ZSCAN2: variants seen among roughly 807,000 people sequenced by gnomAD.
ZSCAN2 encodes zinc finger and SCAN domain containing 2.
In ZSCAN2, 26 loss-of-function variants were observed where a neutral mutation model predicts 47.8. That is an observed-to-expected ratio of 0.54 (90% confidence interval 0.40 to 0.75). The LOEUF (loss-of-function observed/expected upper bound fraction) is 0.75. Among genes scored for constraint, ZSCAN2 ranks in the 30% least tolerant of loss-of-function variants. ZSCAN2 has a pLI of 0.00. For synonymous variants in ZSCAN2, 305 were observed against 288.7 expected, an observed-to-expected ratio of 1.06 and a Z score of -0.57; for missense variants, 732 against 785.4, an observed-to-expected ratio of 0.93 and a Z score of 0.81.
chr15:84,623,375 A>G lies in ZSCAN2; in HGVS notation c.*1335A>G, dbSNP rs777192940. 3.0e-5 allele frequency: 6 copies of G among 198,266 alleles called. No homozygotes were observed. Among genetic ancestry groups the G allele is most frequent in the Non-Finnish European group, 7.0e-5 (6 of 85,178 alleles). 12.3% of individuals were successfully genotyped at this position (198,266 alleles called of 1,614,324 possible). A position where few individuals can be genotyped will look rare whatever the true frequency, so the allele number is the denominator to read the frequency against. ...CCGAAGTGCTGGGATTACAGGCGTGAGCCAGCGCACCCGGCCAAGAACATT... is the reference window on the plus strand; with the variant it reads ...CCGAAGTGCTGGGATTACAGGCGTGGGCCAGCGCACCCGGCCAAGAACATT... On this transcript the variant is annotated 3_prime_UTR_variant, in exon 3 of 3. Transcript: ENST00000546148.
rs16974955 is a variant in ZSCAN2 at position 84,619,069 on chromosome 15, A to G, written c.407-1533A>G. ...GTTCTTCTAGCAGTCCTCCCTAATG[A>G]TTTCTTTTACTCAAATATTTGGGCA... On this transcript the variant is annotated intron_variant, in intron 2 of 2. Transcript: ENST00000546148. 1.0e-2 allele frequency among the ~76,000 whole-genome samples: 1,515 copies of G among 152,168 alleles called. 33 individuals are homozygous for G. The highest frequency in any genetic ancestry group is 0.035 in the African/African-American group (1,464 of 41,492).
At chr15:84,612,605 G>A (rs746015805) in intron 2 of ZSCAN2, among the ~76,000 whole-genome samples, 10 of 152,158 alleles carry the variant, frequency 6.6e-5, no homozygotes, top group Non-Finnish European at 1.0e-4. Flanking sequence ...CGTGGTGTCC[G>A]GCGCCTGTAG....
chr15:84,615,291 C>T (rs1407335493), intron 2 of ZSCAN2, among the ~76,000 whole-genome samples: 1 of 151,832 alleles, frequency 6.6e-6, no homozygotes, highest in Non-Finnish European at 1.5e-5. Flanking sequence ...TTTTTGAGAA[C>T]TCCAGTTATG....
intron 1 of ZSCAN2, among the ~76,000 whole-genome samples, chr15:84,601,556 T>A (rs530266727): frequency 6.6e-6 from 1 of 152,234 alleles, no homozygotes; most frequent in East Asian, 1.9e-4. Context: ...GTATTTCTTC[T>A]AGTCATTTGA....
At position 84,620,876 on chromosome 15, in the gene ZSCAN2, T is replaced by C. The variant is rs757735878; in HGVS notation, c.681T>C (p.Cys227=). 5.0e-6 allele frequency: 8 copies of C among 1,613,930 alleles called. No individual in the cohort carries two copies. Among genetic ancestry groups the C allele is most frequent in the Non-Finnish European group, 6.8e-6 (8 of 1,180,000 alleles). ...LGEKPYECPQ[C]GKTFSRKSHL... ...AGAAGCCCTACGAATGTCCCCAGTG[T>C]GGGAAGACCTTCAGCCGGAAATCCC... Residue 227 remains cysteine (C), a synonymous_variant, in exon 3 of 3, where the codon TGT becomes TGC. Transcript: ENST00000546148.
At chr15:84,610,927 TAAGAA>T (rs1294609219) in intron 2 of ZSCAN2, among the ~76,000 whole-genome samples, 1 of 152,208 alleles carries the variant, frequency 6.6e-6, no homozygotes. Flanking sequence ...TGCAAATTCA[TAAGAA>T]AAGTCAACCA....
At chr15:84,616,808 C>G (rs1483829819) in intron 2 of ZSCAN2, among the ~76,000 whole-genome samples, 3 of 152,172 alleles carry the variant, frequency 2.0e-5, no homozygotes, top group Non-Finnish European at 4.4e-5. Flanking sequence ...TGGCAGGGCT[C>G]TGTGCTCAAA....
At chr15:84,603,430 G>A (rs894729967) in intron 1 of ZSCAN2, among the ~76,000 whole-genome samples, 5 of 150,134 alleles carry the variant, frequency 3.3e-5, no homozygotes, top group Admixed American at 1.3e-4. Context: ...GTGCAGTGGC[G>A]AGATCTGTGC....
chr15:84,610,673 G>A lies in ZSCAN2; in HGVS notation c.406+6340G>A, dbSNP rs531350450. On this transcript the variant is annotated intron_variant, in intron 2 of 2. Transcript: ENST00000546148. ...GGCTAATTTTTGTATTTTTAGAAGA[G>A]ATGGGGTTTCACCATGTTGGTCAGG... Among the ~76,000 whole-genome samples, 89 of 152,114 alleles carry A rather than the reference G, an allele frequency of 5.9e-4. 1 individual carries two copies. The highest frequency in any genetic ancestry group is 3.4e-3 in the Middle Eastern group (1 of 294).
rs1273263326 is a variant in ZSCAN2, at chr15:84,601,049, C to T, written c.-195C>T. On this transcript the variant is annotated 5_prime_UTR_variant, in exon 1 of 3. Coordinates refer to ENST00000546148, the MANE Select transcript of ZSCAN2 (RefSeq NM_181877.4). ...TTCTCGGTGCCCCACGGGCTTGAGC[C>T]GGGGTGAATCTGGAGGGGCCGGGCC... 4 of 152,434 alleles carry T rather than the reference C, an allele frequency of 2.6e-5. No individual in the cohort carries two copies. Among genetic ancestry groups the T allele is most frequent in the Admixed American group, 6.5e-5 (1 of 15,282 alleles). 9.4% of individuals were successfully genotyped at this position (152,434 alleles called of 1,614,324 possible). A position where few individuals can be genotyped will look rare whatever the true frequency, so the allele number is the denominator to read the frequency against.
intron 2 of ZSCAN2, among the ~76,000 whole-genome samples, chr15:84,618,898 G>A (rs1413589254): frequency 6.6e-6 from 1 of 152,042 alleles, no homozygotes; most frequent in Non-Finnish European, 1.5e-5. Flanking sequence ...TTCTTAGAGT[G>A]TCAGCCAGGG....
intron 2 of ZSCAN2, chr15:84,611,798 C>T (rs1188339599): frequency 6.6e-6 from 1 of 152,116 alleles, no homozygotes; most frequent in African/African-American, 2.4e-5. Context: ...TCTGGGCCAT[C>T]CAGCCTCTTA....
In ZSCAN2 at chr15:84,622,946, G is replaced by T; in HGVS notation, c.*906G>T. ...AAACAGTCCTGCACACAGCAGGGTGGGTTTGTGCCTTTGGCCCAACAGGTA... is the reference window on the plus strand; with the variant it reads ...AAACAGTCCTGCACACAGCAGGGTGTGTTTGTGCCTTTGGCCCAACAGGTA... On this transcript the variant is annotated 3_prime_UTR_variant, in exon 3 of 3. Coordinates refer to ENST00000546148, the MANE Select transcript of ZSCAN2 (RefSeq NM_181877.4). 1 of 444,114 alleles carries T rather than the reference G, an allele frequency of 2.3e-6. No homozygotes were observed. Among genetic ancestry groups the T allele is most frequent in the Non-Finnish European group, 4.1e-6 (1 of 244,716 alleles). 27.5% of individuals were successfully genotyped at this position (444,114 alleles called of 1,614,324 possible).
At position 84,620,821 on chromosome 15, in the gene ZSCAN2, T is replaced by G. The variant is rs1191122113; in HGVS notation, c.626T>G (p.Leu209Arg). The change falls in exon 3 of 3, where the codon CTC (leucine) becomes CGC (arginine). Residue 209 changes from leucine to arginine, a missense_variant. By Grantham distance (102) the Leu-to-Arg change is moderately radical. This residue lies in a region of ZSCAN2 where 320 missense variants were observed against 287.4 expected (regional missense o/e 1.11). Transcript: ENST00000546148. The stretch of plus-strand genomic sequence containing the variant: ...TCTCAGGACAGGGAAGTTGGCCAGC[T>G]CATAGGCCTGCAGGGCACCTACCTA... ...VVSQDREVGQ[L>R]IGLQGTYLGE... 3.7e-6 allele frequency: 6 copies of G among 1,614,170 alleles called. No individual in the cohort carries two copies. In the South Asian group the frequency reaches 5.5e-5, roughly 15 times the overall value.
intron 2 of ZSCAN2, among the ~76,000 whole-genome samples, chr15:84,617,319 C>G (rs1014482367): frequency 2.0e-5 from 3 of 151,840 alleles, no homozygotes; most frequent in African/African-American, 7.3e-5. Flanking sequence ...GCCTGTAGTA[C>G]CAGCTACTCA....
chr15:84,606,534 G>T, intron 2 of ZSCAN2: 1 of 1,612,264 alleles, frequency 6.2e-7, no homozygotes, highest in Non-Finnish European at 8.5e-7. Flanking sequence ...TACAGCTGTA[G>T]CTGTCGTTGC....
Position 84,622,641 on chromosome 15 carries a change from T to G in ZSCAN2, c.*601T>G, listed in dbSNP as rs761510434. The G allele has an allele frequency of 1.4e-6, 1 of 717,464 alleles. No homozygotes were observed. Among genetic ancestry groups the G allele is most frequent in the Non-Finnish European group, 2.6e-6 (1 of 385,086 alleles). 44.4% of individuals were successfully genotyped at this position (717,464 alleles called of 1,614,324 possible). A position where few individuals can be genotyped will look rare whatever the true frequency, so the allele number is the denominator to read the frequency against. ...CGTGAAGGTAAAGACCCTTTCTATT[T>G]CCAGAAAGTGTCAGGAGCACAGAAA... is the stretch of plus-strand genomic sequence containing the variant. On this transcript the variant is annotated 3_prime_UTR_variant, in exon 3 of 3. Coordinates refer to ENST00000546148, the MANE Select transcript of ZSCAN2 (RefSeq NM_181877.4).
intron 2 of ZSCAN2, among the ~76,000 whole-genome samples, chr15:84,608,530 CAAAAAAAAA>C (rs1181525313): frequency 5.4e-5 from 5 of 92,670 alleles, no homozygotes; most frequent in Non-Finnish European, 6.2e-5. Flanking sequence ...GACTCTGTCT[CAAAAAAAAA>C]AAAAAAAAAA....
In ZSCAN2 at chr15:84,618,050, G is replaced by A. The variant is rs78525387; in HGVS notation, c.407-2552G>A. The stretch of plus-strand genomic sequence containing the variant: ...CCAATTTTATCATGTTCATATGTAA[G>A]AGTTTATATTAACTTACAGAAAATT... On this transcript the variant is annotated intron_variant, in intron 2 of 2. Coordinates refer to ENST00000546148, the MANE Select transcript of ZSCAN2 (RefSeq NM_181877.4). Among the ~76,000 whole-genome samples the A allele has an allele frequency of 8.9e-3, 1,361 of 152,310 alleles. 7 individuals are homozygous for A. The highest frequency in any genetic ancestry group is 0.012 in the Non-Finnish European group (798 of 68,030).
Sources: gnomAD v4.1 joint callset for allele counts (sites outside exome capture counted in the v4.1 genomes callset) on GRCh38, gnomAD v4.1.1 for gene constraint, gnomAD v4.1.1 regional missense constraint, MANE v1.5 for transcripts, NCBI Gene and HGNC (gene_info 2026-07-23, HGNC 2026-07-21) for gene names.